The following STK4 variants were observed in gnomAD, a reference collection of about 807,000 sequenced individuals.
The protein encoded by STK4 is serine/threonine kinase 4.
STK4 carries 30 observed loss-of-function variants against 64.9 expected under a neutral mutation model. The observed-to-expected ratio is 0.46, with a 90% confidence interval of 0.35 to 0.63. The LOEUF is 0.63. STK4 is among the 20% of genes least tolerant of loss of function. The pLI is 0.01. For missense variants in STK4, 466 were observed against 598.5 expected, an observed-to-expected ratio of 0.78 and a Z score of 2.31; for synonymous variants, 177 against 199.0, an observed-to-expected ratio of 0.89 and a Z score of 0.93.
At chr20:44,994,769 C>T (rs893118845) in intron 5 of STK4, among the ~76,000 whole-genome samples, 9 of 152,000 alleles carry the variant, frequency 5.9e-5, no homozygotes, top group African/African-American at 1.7e-4. Flanking sequence ...CATTTTATTT[C>T]GGTGCCTGAT....
chr20:44,988,523 A>ATGTGTGTGTGTGTGTG lies in STK4; in HGVS notation c.525+1238_525+1239insGTGTGTGTGTGTGTGT, dbSNP rs371237761. ...TGTATGTATGTGTGTGTGTATATATATGTGTGTGTGTATATATATATATAT... is the reference window on the plus strand; with the variant it reads ...TGTATGTATGTGTGTGTGTATATATATGTGTGTGTGTGTGTGTGTGTGTGTGTATATATATATATAT... On this transcript the variant is annotated intron_variant, in intron 5 of 10. Coordinates refer to ENST00000372806, the MANE Select transcript of STK4 (RefSeq NM_006282.5). Among the ~76,000 whole-genome samples, 536 of 108,512 alleles carry ATGTGTGTGTGTGTGTG rather than the reference A, an allele frequency of 4.9e-3. 4 individuals carry two copies. Among genetic ancestry groups the ATGTGTGTGTGTGTGTG allele is most frequent in the East Asian group, 0.048 (158 of 3,262 alleles). The allele number at this position is 108,512 out of a possible 152,430, so 71.2% of individuals were successfully genotyped here.
intron 10 of STK4, among the ~76,000 whole-genome samples, chr20:45,056,011 G>A (rs1978448981): frequency 6.6e-6 from 1 of 152,180 alleles, no homozygotes; most frequent in African/African-American, 2.4e-5. Context: ...GATTACCAGC[G>A]TGAGCCCCCG....
intron 5 of STK4, among the ~76,000 whole-genome samples, chr20:44,992,461 A>C (rs1273993331): frequency 6.6e-6 from 1 of 151,192 alleles, no homozygotes; most frequent in East Asian, 1.9e-4. Flanking sequence ...GGCTCTCCCT[A>C]TTTTACCCAG....
chr20:45,049,119 A>G (rs1184730464), intron 10 of STK4, among the ~76,000 whole-genome samples: 1 of 152,172 alleles, frequency 6.6e-6, no homozygotes, highest in African/African-American at 2.4e-5. Flanking sequence ...GGGATCCATC[A>G]GCTGCCGAGG....
chr20:45,057,523 TCC>T (rs968682767), intron 10 of STK4, among the ~76,000 whole-genome samples: 9 of 152,232 alleles, frequency 5.9e-5, no homozygotes, highest in African/African-American at 2.2e-4. Context: ...AACTATACCT[TCC>T]CATGGGACCT....
chr20:44,968,349 G>A (rs2067188102), intron 1 of STK4, among the ~76,000 whole-genome samples: 1 of 152,214 alleles, frequency 6.6e-6, no homozygotes, highest in African/African-American at 2.4e-5. Flanking sequence ...GTGTTAGCCA[G>A]GATGGTCTCT....
intron 1 of STK4, among the ~76,000 whole-genome samples, chr20:44,968,510 G>T (rs1157807158): frequency 6.6e-6 from 1 of 152,224 alleles, no homozygotes; most frequent in African/African-American, 2.4e-5. Flanking sequence ...TATGTTAGCA[G>T]ATATTTACTA....
intron 10 of STK4, among the ~76,000 whole-genome samples, chr20:45,042,308 G>A (rs1568747750): frequency 6.6e-6 from 1 of 151,800 alleles, no homozygotes; most frequent in Non-Finnish European, 1.5e-5. Flanking sequence ...TGACAATTCA[G>A]TAATCCTTAT....
chr20:45,028,230 C>T (rs1292029825), intron 10 of STK4, among the ~76,000 whole-genome samples: 4 of 151,912 alleles, frequency 2.6e-5, no homozygotes, highest in African/African-American at 9.7e-5. Context: ...CTACCAATGG[C>T]GTATGAACAT....
At chr20:45,036,589 C>G (rs1339820637) in intron 10 of STK4, among the ~76,000 whole-genome samples, 1 of 152,068 alleles carries the variant, frequency 6.6e-6, no homozygotes, top group Non-Finnish European at 1.5e-5. Context: ...GGTGAAAGTT[C>G]TTGACCAAAA....
chr20:45,051,588 T>C (rs1299323293), intron 10 of STK4, among the ~76,000 whole-genome samples: 2 of 152,244 alleles, frequency 1.3e-5, no homozygotes, highest in Admixed American at 6.5e-5. Flanking sequence ...TGTGCTGGTA[T>C]GTTTTCAACT....
intron 7 of STK4, among the ~76,000 whole-genome samples, chr20:45,000,157 G>C (rs2067809975): frequency 6.6e-6 from 1 of 152,192 alleles, no homozygotes; most frequent in Non-Finnish European, 1.5e-5. Context: ...AGATTTGACA[G>C]AGAGAAATGG....
intron 8 of STK4, 123 bp downstream of exon 8, chr20:45,000,643 CTA>C (rs2067821018): frequency 7.1e-7 from 1 of 1,407,860 alleles, no homozygotes; most frequent in Non-Finnish European, 9.7e-7. Flanking sequence ...TCCAGCATAA[CTA>C]TGTCCTAACC....
intron 4 of STK4, among the ~76,000 whole-genome samples, chr20:44,983,421 G>A (rs2067475273): frequency 1.3e-5 from 2 of 152,152 alleles, no homozygotes; most frequent in Admixed American, 6.6e-5. Context: ...GGGCAACATA[G>A]CGAGACCTCG....
intron 9 of STK4, among the ~76,000 whole-genome samples, chr20:45,011,729 A>ATATATATATATATT (rs60170856): frequency 1.1e-4 from 13 of 115,384 alleles, no homozygotes; most frequent in African/African-American, 4.4e-4. Flanking sequence ...ATATATATAT[A>ATATATATATATATT]TTTTTTTTTT....
chr20:45,073,476 G>C (rs1980255222), intron 10 of STK4, among the ~76,000 whole-genome samples: 1 of 152,078 alleles, frequency 6.6e-6, no homozygotes, highest in Non-Finnish European at 1.5e-5. Flanking sequence ...ACTCAAGGAA[G>C]GGTAGACAGA....
intron 6 of STK4, among the ~76,000 whole-genome samples, chr20:44,995,605 C>CA (rs60140206): frequency 0.51 from 27,314 of 53,714 alleles, 7,788 homozygotes; most frequent in Non-Finnish European, 0.61. Flanking sequence ...GACTCCATCT[C>CA]AAAAAAAAAA....
At chr20:45,053,392 C>T (rs1243512985) in intron 10 of STK4, among the ~76,000 whole-genome samples, 6 of 152,166 alleles carry the variant, frequency 3.9e-5, no homozygotes, top group South Asian at 2.1e-4. Context: ...TTGTTTGGTT[C>T]GGAGACTGCT....
intron 5 of STK4, among the ~76,000 whole-genome samples, chr20:44,990,410 A>T (rs1179815124): frequency 8.2e-5 from 12 of 146,500 alleles, no homozygotes; most frequent in East Asian, 8.1e-4. Flanking sequence ...TTTTTTTTTT[A>T]AATTAACTGT....
Sources: gnomAD v4.1 joint callset for allele counts (sites outside exome capture counted in the v4.1 genomes callset) on GRCh38, gnomAD v4.1.1 for gene constraint, MANE v1.5 for transcripts, NCBI Gene and HGNC (gene_info 2026-07-23, HGNC 2026-07-21) for gene names.